Variants in RPL13A observed in about 807,000 individuals in gnomAD.
The protein encoded by RPL13A is large ribosomal subunit protein uL13.
Under a neutral mutation model 30.8 loss-of-function variants are expected in RPL13A, and 4 were observed. The ratio of observed to expected loss-of-function variants is 0.13; its 90% CI spans 0.06 to 0.30. The LOEUF is 0.30. RPL13A is among the 10% of genes least tolerant of loss of function. The pLI is 1.00. For missense variants in RPL13A, 196 were observed against 272.6 expected (o/e 0.72, Z 1.98); for synonymous variants, 108 against 104.2 (o/e 1.04, Z -0.22).
intron 2 of RPL13A, 34 bp downstream of exon 2, chr19:49,489,956 C>A: frequency 1.9e-6 from 3 of 1,540,920 alleles, no homozygotes; most frequent in South Asian, 1.1e-5. Context: ...CTGTCATGGG[C>A]CCCCGCTGGA....
chr19:49,490,621 G>A (rs202013951), intron 4 of RPL13A, 45 bp downstream of exon 4: 94 of 1,599,010 alleles, frequency 5.9e-5, no homozygotes, highest in Non-Finnish European at 7.0e-5. Context: ...GCAGGCGGCC[G>A]GTGATGAGAA....
intron 1 of RPL13A, 54 bp downstream of exon 1, chr19:49,487,698 G>C: frequency 6.8e-7 from 1 of 1,471,644 alleles, no homozygotes; most frequent in Non-Finnish European, 9.0e-7. Flanking sequence ...ATCCAGGCCG[G>C]AATGGGGTCG....
chr19:49,490,154 G>A (rs2079850942), intron 2 of RPL13A, 78 bp from the exon 3 acceptor site: 5 of 1,365,750 alleles, frequency 3.7e-6, no homozygotes, highest in South Asian at 1.2e-5. Flanking sequence ...GTACTGCGCT[G>A]TGTCTGGAGG....
chr19:49,489,502 T>C (rs2122616584), intron 1 of RPL13A, among the ~76,000 whole-genome samples: 1 of 152,288 alleles, frequency 6.6e-6, no homozygotes, highest in Admixed American at 6.5e-5. Flanking sequence ...AGTTTATTAG[T>C]TACAAGGTCT....
chr19:49,488,213 C>T (rs531313248), intron 1 of RPL13A, among the ~76,000 whole-genome samples: 2 of 152,166 alleles, frequency 1.3e-5, no homozygotes, highest in East Asian at 3.9e-4. Context: ...ACTCGTTTTC[C>T]GTCGTTTTGG....
chr19:49,488,440 G>C (rs2079830784), intron 1 of RPL13A, among the ~76,000 whole-genome samples: 1 of 152,248 alleles, frequency 6.6e-6, no homozygotes, highest in Admixed American at 6.5e-5. Flanking sequence ...GGCCGATCTA[G>C]GCAAGTTGTG....
intron 1 of RPL13A, among the ~76,000 whole-genome samples, chr19:49,487,862 T>C (rs905847563): frequency 8.5e-5 from 13 of 152,098 alleles, no homozygotes; most frequent in Admixed American, 7.2e-4. Context: ...GAGGCGAGGG[T>C]GATAGAGCTT....
chr19:49,487,734 C>T, intron 1 of RPL13A, 90 bp downstream of exon 1: 1 of 1,319,756 alleles, frequency 7.6e-7, no homozygotes, highest in Non-Finnish European at 1.0e-6. Context: ...GCATGTTTTG[C>T]GGAGCTTAAC....
chr19:49,490,005 T>A (rs2079848876), intron 2 of RPL13A, 83 bp downstream of exon 2: 1 of 1,215,198 alleles, frequency 8.2e-7, no homozygotes, highest in Admixed American at 1.7e-5. Context: ...TTCGTTTGAG[T>A]CTCACGGCCA....
At chr19:49,488,768 C>G (rs960614836) in intron 1 of RPL13A, among the ~76,000 whole-genome samples, 2 of 152,210 alleles carry the variant, frequency 1.3e-5, no homozygotes, top group Non-Finnish European at 2.9e-5. Flanking sequence ...TGCAATGGTG[C>G]GATCTTGGCT....
Position 49,489,833 on chromosome 19 carries a change from G to C in RPL13A, c.16-17G>C. On this transcript the variant is annotated splice_polypyrimidine_tract_variant and intron_variant, in intron 1 of 7. Coordinates refer to ENST00000391857, the MANE Select transcript of RPL13A (RefSeq NM_012423.4). ...GCTGTCCTTGTCTCTGAGTCCTTTT[G>C]CCCTTGTCTCCCACAGGTCCTGGTG... 1 of 1,554,322 alleles carries C rather than the reference G, an allele frequency of 6.4e-7. No homozygotes were observed.
chr19:49,488,039 G>GT (rs1367061820), intron 1 of RPL13A, among the ~76,000 whole-genome samples: 2 of 152,128 alleles, frequency 1.3e-5, no homozygotes, highest in Non-Finnish European at 2.9e-5. Context: ...GAGAAACTGA[G>GT]TTTTGGCCAA....
Position 49,491,058 on chromosome 19 carries a change from C to T in RPL13A, c.361C>T (p.Pro121Ser), listed in dbSNP as rs1432903858. ...CTAACAGAAAAAGCGGATGGTGGTT[C>T]CTGCTGCCCTCAAGGTCGTGCGTCT... Reference protein sequence around the residue: ...PYDKKKRMVVPAALKVVRLKP... With the variant: ...PYDKKKRMVVSAALKVVRLKP... The change falls in exon 6 of 8, where the codon CCT becomes TCT. Residue 121 changes from proline to serine, a missense_variant. By Grantham distance (74) the Pro-to-Ser change is moderately conservative. Coordinates refer to ENST00000391857, the MANE Select transcript of RPL13A (RefSeq NM_012423.4). 3.7e-6 allele frequency: 6 copies of T among 1,614,250 alleles called. No homozygotes were observed. The East Asian group carries it at 1.3e-4, about 36-fold the overall frequency.
In RPL13A at chr19:49,490,786, G is replaced by A. The variant is rs369135455; in HGVS notation, c.264G>A (p.Leu88=). 2.9e-5 allele frequency: 47 copies of A among 1,614,028 alleles called. 1 individual carries two copies. The highest frequency in any genetic ancestry group is 1.6e-4 in the Middle Eastern group (1 of 6,084). ...CTATCTGTCACCCAACAGGTATGCT[G>A]CCCCACAAAACCAAGCGAGGCCAGG... ...RIFWRTVRGM[L]PHKTKRGQAA... Residue 88 remains leucine, a synonymous_variant, in exon 5 of 8, where the codon CTG becomes CTA. Transcript: ENST00000391857.
At chr19:49,490,006 C>T in intron 2 of RPL13A, 84 bp downstream of exon 2, 1 of 1,212,030 alleles carries the variant, frequency 8.3e-7, no homozygotes. Flanking sequence ...TCGTTTGAGT[C>T]TCACGGCCAT....
At chr19:49,489,335 A>C (rs1187961501) in intron 1 of RPL13A, among the ~76,000 whole-genome samples, 1 of 152,010 alleles carries the variant, frequency 6.6e-6, no homozygotes, top group East Asian at 1.9e-4. Context: ...GACTCAACAA[A>C]AAAAAAAGTA....
chr19:49,490,099 G>T, intron 2 of RPL13A, 133 bp from the exon 3 acceptor site: 1 of 1,059,130 alleles, frequency 9.4e-7, no homozygotes, highest in Non-Finnish European at 1.5e-6. Flanking sequence ...AAGTAATTAT[G>T]TATTAGGCTA....
At position 49,491,033 on chromosome 19, in the gene RPL13A, C is replaced by G. The variant is rs756434600; in HGVS notation, c.343-7C>G. The G allele has an allele frequency of 5.0e-6, 8 of 1,614,142 alleles. No homozygotes were observed. Among genetic ancestry groups the G allele is most frequent in the African/African-American group, 2.7e-5 (2 of 74,952 alleles). On this transcript the variant is annotated splice_polypyrimidine_tract_variant and splice_region_variant and intron_variant, in intron 5 of 7. Coordinates refer to ENST00000391857, the MANE Select transcript of RPL13A (RefSeq NM_012423.4). ...CGGGCTCTTAAGCCCCTCTCTTTCTCTAACAGAAAAAGCGGATGGTGGTTC... is the reference window on the plus strand; with the variant it reads ...CGGGCTCTTAAGCCCCTCTCTTTCTGTAACAGAAAAAGCGGATGGTGGTTC...
chr19:49,490,655 T>A, intron 4 of RPL13A, 79 bp downstream of exon 4: 1 of 1,579,500 alleles, frequency 6.3e-7, no homozygotes, highest in Non-Finnish European at 8.7e-7. Context: ...CATTCGAGTT[T>A]CCCGACCATG....
Sources: allele counts gnomAD v4.1 joint callset (sites outside exome capture counted in the v4.1 genomes callset), GRCh38; gene constraint gnomAD v4.1.1; transcripts MANE v1.5; gene names NCBI Gene and HGNC (gene_info 2026-07-23, HGNC 2026-07-21).